PBX1: variants seen among roughly 807,000 people sequenced by gnomAD.
The protein encoded by PBX1 is PBX homeobox 1.
In PBX1, 6 loss-of-function variants were observed where a neutral mutation model predicts 53.4. That is an observed-to-expected ratio of 0.11 (90% CI 0.06 to 0.22). The LOEUF is 0.22. Among genes scored for constraint, PBX1 ranks in the 10% least tolerant of loss-of-function variants. The probability of loss-of-function intolerance (pLI) is 1.00; values close to 1 mark genes in which losing one functional copy is unlikely to be tolerated. For missense variants in PBX1, 251 were observed against 551.4 expected, an observed-to-expected ratio of 0.46 and a Z score of 5.46; for synonymous variants, 204 against 212.3, an observed-to-expected ratio of 0.96 and a Z score of 0.34.
At chr1:164,853,059 A>G (rs772804837), downstream of PBX1, among the ~76,000 whole-genome samples, 3 of 152,204 alleles carry the variant, frequency 2.0e-5, no homozygotes, top group Admixed American at 6.5e-5. Flanking sequence ...CTTACGGTAT[A>G]GCCTAAGGCA....
At chr1:164,611,360 C>CCTA (rs1656911891) in intron 2 of PBX1, among the ~76,000 whole-genome samples, 1 of 152,168 alleles carries the variant, frequency 6.6e-6, no homozygotes, top group South Asian at 2.1e-4. Context: ...GCCTCAGCCT[C>CCTA]CCGAGTAGCT....
chr1:164,618,834 T>C (rs1279608669), intron 2 of PBX1, among the ~76,000 whole-genome samples: 1 of 152,196 alleles, frequency 6.6e-6, no homozygotes, highest in Non-Finnish European at 1.5e-5. Flanking sequence ...GATTGCAAAA[T>C]ATAGGTGCCC....
chr1:164,721,363 AATTCT>A (rs1396194127), intron 2 of PBX1, among the ~76,000 whole-genome samples: 2 of 151,262 alleles, frequency 1.3e-5, no homozygotes. Context: ...GTGTGGCCAG[AATTCT>A]GTTTAGGGCA....
intron 3 of PBX1, among the ~76,000 whole-genome samples, chr1:164,797,505 C>T (rs1215812042): frequency 6.6e-6 from 1 of 152,138 alleles, no homozygotes; most frequent in African/African-American, 2.4e-5. Context: ...AATGAGCTTA[C>T]TATATAGATC....
At chr1:164,646,655 G>GT (rs1398409493) in intron 2 of PBX1, among the ~76,000 whole-genome samples, 1 of 152,190 alleles carries the variant, frequency 6.6e-6, no homozygotes, top group African/African-American at 2.4e-5. Flanking sequence ...GTGTACATTT[G>GT]TTAGGATATG....
At chr1:164,844,079 C>A (rs1226171265) in intron 8 of PBX1, among the ~76,000 whole-genome samples, 1 of 145,280 alleles carries the variant, frequency 6.9e-6, no homozygotes, top group Non-Finnish European at 1.5e-5. Context: ...CAGGGTGATT[C>A]TAAGATACAT....
intron 2 of PBX1, among the ~76,000 whole-genome samples, chr1:164,679,443 A>G (rs1199503834): frequency 9.9e-5 from 15 of 152,156 alleles, no homozygotes; most frequent in Admixed American, 9.8e-4. Flanking sequence ...TAAAATTATG[A>G]TGCAGTGGAA....
At chr1:164,570,950 A>G (rs570235720) in intron 2 of PBX1, among the ~76,000 whole-genome samples, 117 of 152,302 alleles carry the variant, frequency 7.7e-4, no homozygotes, top group Non-Finnish European at 1.1e-3. Context: ...CATTTCTCTA[A>G]TGACCAGTGA....
Position 164,792,860 on chromosome 1 carries a change from G to C in PBX1, c.510+122G>C, listed in dbSNP as rs1354307936. The stretch of plus-strand genomic sequence containing the variant: ...CCCAGGTGCTGGCATCCCTGTGCCC[G>C]GCATCCCCTGCCCAGCCACAGAGCC... On this transcript the variant is annotated intron_variant, in intron 3 of 8. Coordinates refer to ENST00000420696, the MANE Select transcript of PBX1 (RefSeq NM_002585.4). The C allele has an allele frequency of 8.1e-6, 6 of 743,062 alleles. No homozygotes were observed. The African/African-American group carries it at 1.1e-4, about 13-fold the overall frequency. 46.0% of individuals were successfully genotyped at this position (743,062 alleles called of 1,614,324 possible). A position where few individuals can be genotyped will look rare whatever the true frequency, so the allele number is the denominator to read the frequency against.
At chr1:164,776,389 T>A (rs1161142187) in intron 2 of PBX1, among the ~76,000 whole-genome samples, 1 of 152,120 alleles carries the variant, frequency 6.6e-6, no homozygotes, top group East Asian at 1.9e-4. Flanking sequence ...TGGCATGTGA[T>A]TTAGAAGGAA....
chr1:164,874,022 A>AG (rs1163222630), intron 2 of PBX1, among the ~76,000 whole-genome samples: 7 of 148,908 alleles, frequency 4.7e-5, no homozygotes, highest in Admixed American at 3.4e-4. Context: ...AAAAAAAAAG[A>AG]AAAAGAGGCA....
chr1:164,611,616 A>G (rs1656939074), intron 2 of PBX1, among the ~76,000 whole-genome samples: 1 of 140,618 alleles, frequency 7.1e-6, no homozygotes, highest in African/African-American at 2.6e-5. Flanking sequence ...TGTTTAGAGG[A>G]ATGCCTTGGT....
rs1671832795 is a variant in PBX1 at position 164,851,370 on chromosome 1, C to T, written c.*4694C>T. 1 of 204,926 alleles carries T rather than the reference C, an allele frequency of 4.9e-6. No individual in the cohort carries two copies. Among genetic ancestry groups the T allele is most frequent in the Non-Finnish European group, 1.0e-5 (1 of 100,066 alleles). 12.7% of individuals were successfully genotyped at this position (204,926 alleles called of 1,614,324 possible). On this transcript the variant is annotated 3_prime_UTR_variant, in exon 9 of 9. Coordinates refer to ENST00000420696, the MANE Select transcript of PBX1 (RefSeq NM_002585.4). ...AAATATTTCTACCTGAACACTTGTACTCTTGAAGTCACAACAAAATAATGA... is the reference window on the plus strand; with the variant it reads ...AAATATTTCTACCTGAACACTTGTATTCTTGAAGTCACAACAAAATAATGA...
intron 3 of PBX1, 147 bp from the exon 4 acceptor site, chr1:164,799,552 G>A: frequency 1.8e-6 from 1 of 551,224 alleles, no homozygotes; most frequent in Non-Finnish European, 3.1e-6. Flanking sequence ...GAGCCACAGG[G>A]GCTGAAAGGG....
At chr1:164,853,000 A>G (rs769237983), downstream of PBX1, among the ~76,000 whole-genome samples, 9 of 152,242 alleles carry the variant, frequency 5.9e-5, no homozygotes, top group Non-Finnish European at 1.0e-4. Context: ...GATGTAAGAA[A>G]CAGACCAAAA....
chr1:164,804,276 C>T (rs561642621), intron 4 of PBX1, among the ~76,000 whole-genome samples: 1 of 152,122 alleles, frequency 6.6e-6, no homozygotes, highest in South Asian at 2.1e-4. Flanking sequence ...TTAAGATAAA[C>T]ATTGATATAT....
intron 8 of PBX1, among the ~76,000 whole-genome samples, chr1:164,832,347 T>C (rs1259272558): frequency 6.6e-6 from 1 of 152,234 alleles, no homozygotes; most frequent in Non-Finnish European, 1.5e-5. Context: ...GTTCATTTCT[T>C]TATTAAAATT....
chr1:164,576,705 G>A (rs1654269008), intron 2 of PBX1: 3 of 152,312 alleles, frequency 2.0e-5, no homozygotes, highest in Admixed American at 2.0e-4. Context: ...TCTCCCAAAG[G>A]GTGGTAAAGA....
At chr1:164,756,990 G>A (rs561455918) in intron 2 of PBX1, among the ~76,000 whole-genome samples, 1 of 152,302 alleles carries the variant, frequency 6.6e-6, no homozygotes, top group South Asian at 2.1e-4. Flanking sequence ...GAAGGGAGTT[G>A]GGAGCTGAGG....
Sources: gnomAD v4.1 joint callset for allele counts (sites outside exome capture counted in the v4.1 genomes callset) on GRCh38, gnomAD v4.1.1 for gene constraint, MANE v1.5 for transcripts, NCBI Gene and HGNC (gene_info 2026-07-23, HGNC 2026-07-21) for gene names.